RP9: variants seen among roughly 807,000 people sequenced by gnomAD.
The protein encoded by RP9 is retinitis pigmentosa 9 protein.
RP9 carries 23 observed loss-of-function variants against 32.6 expected under a neutral mutation model. That is an observed-to-expected ratio of 0.71 (90% confidence interval 0.51 to 1.00). RP9 has a LOEUF of 1.00. Among genes scored for constraint, RP9 ranks in the 50% least tolerant of loss-of-function variants. The pLI is 0.00. For synonymous variants in RP9, 94 were observed against 103.6 expected, an observed-to-expected ratio of 0.91 and a Z score of 0.56; for missense variants, 245 against 285.3, an observed-to-expected ratio of 0.86 and a Z score of 1.02.
intron 3 of RP9, chr7:33,099,023 C>G (rs932651049): frequency 3.9e-6 from 2 of 508,038 alleles, no homozygotes; most frequent in Non-Finnish European, 7.1e-6. Flanking sequence ...ACAACAGAAA[C>G]TGGTTTTCTC....
At chr7:33,102,864 G>A (rs887605930) in intron 1 of RP9, among the ~76,000 whole-genome samples, 1 of 152,234 alleles carries the variant, frequency 6.6e-6, no homozygotes, top group Non-Finnish European at 1.5e-5. Context: ...GTTGGAGCAG[G>A]TGGAAGCCTC....
Position 33,097,347 on chromosome 7 carries a change from C to T in RP9, c.329G>A (p.Arg110His), listed in dbSNP as rs1406815196. Residue 110 changes from arginine to histidine, a missense_variant, in exon 4 of 6, where the codon CGC (arginine) becomes CAC (histidine). Coordinates refer to ENST00000297157, the MANE Select transcript of RP9 (RefSeq NM_203288.2). ...TTTGTCACCCGTTCGGTGACCATAG[C>T]GTTTGCAACGCCAACCTAAAAACGA... ...VKVMQCWRCK[R>H]YGHRTGDKEC... 6.2e-6 allele frequency: 10 copies of T among 1,613,190 alleles called. No homozygotes were observed. The highest frequency in any genetic ancestry group is 2.2e-5 in the East Asian group (1 of 44,882).
chr7:33,104,638 T>C (rs908032626), intron 1 of RP9, among the ~76,000 whole-genome samples: 1 of 152,154 alleles, frequency 6.6e-6, no homozygotes, highest in Admixed American at 6.5e-5. Flanking sequence ...AGCTAGAAGA[T>C]AGTGATGTAC....
At position 33,109,171 on chromosome 7, in the gene RP9, C is replaced by G; in HGVS notation, c.152+50G>C. ...CCACCGCGGCGTCCCGCGCCCCGGG[C>G]CCCTGGCTTCAGAAGACTGGCCGCG... On this transcript the variant is annotated intron_variant, in intron 1 of 5. Coordinates refer to ENST00000297157, the MANE Select transcript of RP9 (RefSeq NM_203288.2). The surrounding 1 kb of genome is among the most constrained non-coding windows in gnomAD (Gnocchi z 4.9). The G allele has an allele frequency of 6.8e-7, 1 of 1,473,080 alleles. No homozygotes were observed. The highest frequency in any genetic ancestry group is 9.0e-7 in the Non-Finnish European group (1 of 1,113,216). 91.3% of individuals were successfully genotyped at this position (1,473,080 alleles called of 1,614,324 possible). A position where few individuals can be genotyped will look rare whatever the true frequency, so the allele number is the denominator to read the frequency against.
intron 1 of RP9, among the ~76,000 whole-genome samples, chr7:33,107,092 A>G (rs1788510525): frequency 6.6e-6 from 1 of 152,208 alleles, no homozygotes; most frequent in African/African-American, 2.4e-5. Flanking sequence ...ATTTTTTGGT[A>G]GCACTTTTAG....
At chr7:33,096,062 G>T (rs756861061) in intron 5 of RP9, among the ~76,000 whole-genome samples, 25 of 152,176 alleles carry the variant, frequency 1.6e-4, no homozygotes, top group Non-Finnish European at 2.9e-4. Flanking sequence ...TCAAACGCCT[G>T]GACTTCAGCG....
intron 3 of RP9, chr7:33,099,089 G>C (rs1211769651): frequency 4.9e-6 from 3 of 617,026 alleles, no homozygotes. Flanking sequence ...TGGGTTTGTG[G>C]TGAGAGCTTT....
chr7:33,095,934 T>C (rs962635646), intron 5 of RP9, among the ~76,000 whole-genome samples: 4 of 152,014 alleles, frequency 2.6e-5, no homozygotes, highest in African/African-American at 7.2e-5. Context: ...TGGGGTCAAG[T>C]AGATCCTCCC....
intron 5 of RP9, 89 bp from the exon 6 acceptor site, chr7:33,095,521 T>C (rs1788318944): frequency 3.2e-6 from 5 of 1,570,542 alleles, no homozygotes; most frequent in Non-Finnish European, 4.3e-6. Context: ...AAAAGCAGTA[T>C]AGGATGATGA....
chr7:33,109,320 G>T lies in RP9; in HGVS notation c.53C>A (p.Pro18Gln). 1 of 1,460,994 alleles carries T rather than the reference G, an allele frequency of 6.8e-7. No individual in the cohort carries two copies. The highest frequency in any genetic ancestry group is 9.0e-7 in the Non-Finnish European group (1 of 1,110,850). 90.5% of individuals were successfully genotyped at this position (1,460,994 alleles called of 1,614,324 possible). Residue 18 changes from proline (P) to glutamine (Q), a missense_variant, in exon 1 of 6, where the codon CCG becomes CAG. Around this residue, in one of 2 missense-constraint regions of RP9, gnomAD observed 182 missense variants for 175.5 expected, o/e 1.04. Coordinates refer to ENST00000297157, the MANE Select transcript of RP9 (RefSeq NM_203288.2). The surrounding 1 kb of genome is among the most constrained non-coding windows in gnomAD (Gnocchi z 4.9). ...EDVGAAGARRPREPPEQELQR... is the reference protein window; with the variant it reads ...EDVGAAGARRQREPPEQELQR... ...CAGCTCCTGCTCCGGCGGCTCACGC[G>T]GCCGCCGCGCGCCCGCAGCCCCCAC...
At chr7:33,096,437 A>C (rs914577415) in intron 5 of RP9, 56 bp downstream of exon 5, 34 of 1,315,756 alleles carry the variant, frequency 2.6e-5, no homozygotes, top group Non-Finnish European at 3.6e-5. Context: ...GTTTTCTCCA[A>C]CTTTATATAA....
At chr7:33,098,509 C>T (rs917093625) in intron 3 of RP9, among the ~76,000 whole-genome samples, 3 of 152,248 alleles carry the variant, frequency 2.0e-5, no homozygotes, top group Admixed American at 6.5e-5. Context: ...AAGGGTCACA[C>T]GAATGAATGA....
intron 3 of RP9, among the ~76,000 whole-genome samples, chr7:33,098,797 A>C (rs2128032245): frequency 6.6e-6 from 1 of 152,330 alleles, no homozygotes; most frequent in East Asian, 1.9e-4. Flanking sequence ...CAGAAAAGTA[A>C]AGGTCTTAAC....
intron 1 of RP9, among the ~76,000 whole-genome samples, chr7:33,103,504 T>C (rs1788456969): frequency 6.6e-6 from 1 of 152,226 alleles, no homozygotes; most frequent in African/African-American, 2.4e-5. Context: ...TGACAAGAGC[T>C]GTATAGCGCC....
rs971701279 is a variant in RP9 at position 33,095,073 on chromosome 7, C to G, written c.*161G>C. 1.6e-6 allele frequency: 1 copy of G among 643,846 alleles called. No individual in the cohort carries two copies. Among genetic ancestry groups the G allele is most frequent in the Non-Finnish European group, 2.8e-6 (1 of 358,080 alleles). The allele number at this position is 643,846 out of a possible 1,614,324, so 39.9% of individuals were successfully genotyped here. A position where few individuals can be genotyped will look rare whatever the true frequency, so the allele number is the denominator to read the frequency against. On this transcript the variant is annotated 3_prime_UTR_variant, in exon 6 of 6. Transcript: ENST00000297157. ...GCACCTGGAAGGAGACACTCCCTCTCCTGGGGTCACATCTTCACTGCAAGG... is the reference window on the plus strand; with the variant it reads ...GCACCTGGAAGGAGACACTCCCTCTGCTGGGGTCACATCTTCACTGCAAGG...
intron 1 of RP9, among the ~76,000 whole-genome samples, chr7:33,105,560 T>G (rs1201440969): frequency 1.3e-5 from 2 of 152,096 alleles, no homozygotes; most frequent in African/African-American, 4.8e-5. Flanking sequence ...CCTACAAATA[T>G]TACCCTAACA....
At chr7:33,100,929 T>C (rs1173113181) in intron 1 of RP9, 3 of 396,652 alleles carry the variant, frequency 7.6e-6, no homozygotes, top group South Asian at 4.1e-5. Context: ...AAGCAATTTG[T>C]ACCTCCTCCC....
intron 5 of RP9, among the ~76,000 whole-genome samples, chr7:33,096,212 A>G (rs540856854): frequency 6.6e-6 from 1 of 152,350 alleles, no homozygotes; most frequent in Admixed American, 6.5e-5. Context: ...AATATCAATT[A>G]TACTGTACAA....
At chr7:33,101,085 A>G (rs1472343575) in intron 1 of RP9, among the ~76,000 whole-genome samples, 1 of 150,458 alleles carries the variant, frequency 6.6e-6, no homozygotes, top group Non-Finnish European at 1.5e-5. Flanking sequence ...CAATCCTCCC[A>G]CCTCAGCCTC....
Sources: gnomAD v4.1 joint callset for allele counts (sites outside exome capture counted in the v4.1 genomes callset) on GRCh38, gnomAD v4.1.1 for gene constraint, gnomAD v4.1.1 regional missense constraint, Gnocchi (gnomAD v3.1) non-coding constraint, MANE v1.5 for transcripts, NCBI Gene and HGNC (gene_info 2026-07-23, HGNC 2026-07-21) for gene names.